POLR2B: variants seen among roughly 807,000 people sequenced by gnomAD.
POLR2B encodes RNA polymerase II subunit B.
POLR2B carries 57 observed loss-of-function variants against 144.6 expected under a neutral mutation model. The observed-to-expected ratio is 0.39, with a 90% CI of 0.32 to 0.49. The LOEUF (loss-of-function observed/expected upper bound fraction) is 0.49. POLR2B is among the 20% of genes least tolerant of loss of function. The pLI, the probability that POLR2B is intolerant of heterozygous loss-of-function variation, is 0.83. For missense variants in POLR2B, 595 were observed against 1,467.4 expected (o/e 0.41, Z 9.71); for synonymous variants, 442 against 469.8 (o/e 0.94, Z 0.77).
intron 1 of POLR2B, among the ~76,000 whole-genome samples, chr4:56,982,387 T>C (rs747917139): frequency 6.6e-6 from 1 of 151,906 alleles, no homozygotes; most frequent in Non-Finnish European, 1.5e-5. Flanking sequence ...CTGGGCAACA[T>C]AGGGAGACCT....
In POLR2B at chr4:57,005,582, CT is replaced by C. The variant is rs367918481; in HGVS notation, c.1098-5del. On this transcript the variant is annotated splice_polypyrimidine_tract_variant and intron_variant, in intron 8 of 24. Coordinates refer to ENST00000314595, the MANE Select transcript of POLR2B (RefSeq NM_000938.3). ...AAGTGTTTTCCCTCTTTCTTTCTTTCTTTTTTTTTTTTTAAAGATACATGGT... is the reference window on the plus strand; with the variant it reads ...AAGTGTTTTCCCTCTTTCTTTCTTTCTTTTTTTTTTTTAAAGATACATGGT... The C allele has an allele frequency of 0.036, 45,390 of 1,247,084 alleles. 1 individual carries two copies. The highest frequency in any genetic ancestry group is 0.04 in the Non-Finnish European group (36,350 of 911,480). 77.3% of individuals were successfully genotyped at this position (1,247,084 alleles called of 1,614,324 possible).
At chr4:57,019,265 G>C (rs1485433956) in intron 16 of POLR2B, among the ~76,000 whole-genome samples, 1 of 152,194 alleles carries the variant, frequency 6.6e-6, no homozygotes, top group South Asian at 2.1e-4. Flanking sequence ...GAAGGACTAG[G>C]TTTGAAAGCA....
Position 56,986,282 on chromosome 4 carries a change from A to C in POLR2B, c.20-72A>C, listed in dbSNP as rs1403301752. 6 of 877,208 alleles carry C rather than the reference A, an allele frequency of 6.8e-6. No individual in the cohort carries two copies. The East Asian group carries it at 1.4e-4, about 21-fold the overall frequency. 54.3% of individuals were successfully genotyped at this position (877,208 alleles called of 1,614,324 possible). On this transcript the variant is annotated intron_variant, in intron 1 of 24. Transcript: ENST00000314595. ...GAAAGTAAATATGTTTCTGCTACTT[A>C]AAGTCATAGGAGCAAGATGTTAACT...
Position 57,023,182 on chromosome 4 carries a change from T to A in POLR2B, c.2516-148T>A. On this transcript the variant is annotated intron_variant, in intron 18 of 24. Transcript: ENST00000314595. The surrounding 1 kb of genome is among the most constrained non-coding windows in gnomAD (Gnocchi z 4.3). ...TCTGTGTGGGCTGTAGTATTAGAGT[T>A]CAGAATAGTTTGTAATATTTGGAAT... is the stretch of plus-strand genomic sequence containing the variant. 1.4e-6 allele frequency: 1 copy of A among 703,400 alleles called. No individual in the cohort carries two copies. Among genetic ancestry groups the A allele is most frequent in the Non-Finnish European group, 2.3e-6 (1 of 425,586 alleles). The allele number at this position is 703,400 out of a possible 1,614,324, so 43.6% of individuals were successfully genotyped here.
chr4:57,021,031 A>C, intron 17 of POLR2B, 36 bp downstream of exon 17: 1 of 1,078,316 alleles, frequency 9.3e-7, no homozygotes, highest in South Asian at 1.3e-5. Context: ...ACACAGATAC[A>C]GTGGAAACAC....
intron 21 of POLR2B, 52 bp from the exon 22 acceptor site, chr4:57,024,834 A>G: frequency 2.3e-6 from 2 of 866,442 alleles, no homozygotes; most frequent in East Asian, 5.1e-5. Flanking sequence ...TATGACTTTT[A>G]GGGGGAGACA....
chr4:57,004,747 C>T (rs1325654330), intron 7 of POLR2B, among the ~76,000 whole-genome samples: 2 of 152,092 alleles, frequency 1.3e-5, no homozygotes, highest in African/African-American at 4.8e-5. Context: ...TGCAATGGCA[C>T]CATCTTGGCT....
At chr4:57,011,259 G>A (rs1014777059) in intron 13 of POLR2B, among the ~76,000 whole-genome samples, 159 bp downstream of exon 13, 3 of 152,264 alleles carry the variant, frequency 2.0e-5, no homozygotes, top group Non-Finnish European at 2.9e-5. Context: ...GCCGGGTGCA[G>A]TGGCTCATGC....
rs372496663 is a variant in POLR2B at position 57,024,070 on chromosome 4, T to A, written c.2922T>A (p.Ser974=). 1.8e-4 allele frequency: 283 copies of A among 1,608,418 alleles called. No homozygotes were observed. Among genetic ancestry groups the A allele is most frequent in the Middle Eastern group, 3.3e-4 (2 of 6,072 alleles). Residue 974 remains serine (S), a synonymous_variant, in exon 21 of 25, where the codon TCT becomes TCA. Transcript: ENST00000314595. ...DIIINPHAIP[S]RMTIGHLIEC... The stretch of plus-strand genomic sequence containing the variant: ...TCATCAATCCCCATGCCATCCCCTC[T>A]CGTATGACTATTGGTCACTTAATTG...
chr4:57,015,630 GA>G lies in POLR2B; in HGVS notation c.1932del (p.Glu645ArgfsTer17). The G allele has an allele frequency of 6.8e-7, 1 of 1,476,136 alleles. No homozygotes were observed. 91.4% of individuals were successfully genotyped at this position (1,476,136 alleles called of 1,614,324 possible). A position where few individuals can be genotyped will look rare whatever the true frequency, so the allele number is the denominator to read the frequency against. ...LLKKRHIDQL[K>X]EREYNNYSWQ... Reference sequence around the variant, plus strand: ...TGAAGAAGAGGCATATTGACCAATTGAAAGAGAGAGAATATAACAACTATAG... The same window carrying G: ...TGAAGAAGAGGCATATTGACCAATTGAAGAGAGAGAATATAACAACTATAG... On this transcript the variant is annotated frameshift_variant, in exon 14 of 25. Transcript: ENST00000314595. LOFTEE classifies it high-confidence loss of function.
chr4:56,981,762 T>C (rs1264679199), intron 1 of POLR2B, among the ~76,000 whole-genome samples: 1 of 152,246 alleles, frequency 6.6e-6, no homozygotes, highest in African/African-American at 2.4e-5. Context: ...ACAGCCAAAC[T>C]TATAAAAATA....
Position 57,017,539 on chromosome 4 carries a change from G to T in POLR2B, c.2155-21G>T, listed in dbSNP as rs1161321775. On this transcript the variant is annotated intron_variant, in intron 15 of 24. Coordinates refer to ENST00000314595, the MANE Select transcript of POLR2B (RefSeq NM_000938.3). This position sits in a 1 kb window ranked among gnomAD's most constrained non-coding sequence, Gnocchi z 4.8. ...GTGATAGTAACTTTTTGTTGTTTCT[G>T]CTTTTCATTTTTACGTTTAGTCCCC... 1.9e-6 allele frequency: 3 copies of T among 1,555,844 alleles called. No homozygotes were observed. The highest frequency in any genetic ancestry group is 1.2e-5 in the South Asian group (1 of 82,712).
chr4:56,985,373 G>A (rs1722287980), intron 1 of POLR2B: 2 of 985,224 alleles, frequency 2.0e-6, no homozygotes, highest in Non-Finnish European at 1.2e-6. Flanking sequence ...TAGCCGCGAG[G>A]GACGGGCGGC....
At chr4:57,029,136 G>GT (rs1723827441) in intron 23 of POLR2B, among the ~76,000 whole-genome samples, 1 of 152,032 alleles carries the variant, frequency 6.6e-6, no homozygotes, top group South Asian at 2.1e-4. Context: ...TAGCGTTTGA[G>GT]TTTTTTGGCA....
At position 57,017,736 on chromosome 4, in the gene POLR2B, C is replaced by A; in HGVS notation, c.2323+8C>A. 6.2e-7 allele frequency: 1 copy of A among 1,607,506 alleles called. No individual in the cohort carries two copies. Among genetic ancestry groups the A allele is most frequent in the African/African-American group, 1.3e-5 (1 of 74,750 alleles). ...TTAGAGAGCTGCCAGCAGGTATGGT[C>A]AGTTTTGCTCTACGTTATTTAAGAT... On this transcript the variant is annotated splice_region_variant and intron_variant, in intron 16 of 24. Transcript: ENST00000314595. The surrounding 1 kb of genome is among the most constrained non-coding windows in gnomAD (Gnocchi z 4.8).
intron 13 of POLR2B, among the ~76,000 whole-genome samples, chr4:57,014,595 C>T (rs188710124): frequency 4.0e-4 from 61 of 150,962 alleles, no homozygotes; most frequent in African/African-American, 1.4e-3. Flanking sequence ...CTCTGCCTCC[C>T]GGGTTCATGC....
Position 56,981,061 on chromosome 4 carries a change from C to T in POLR2B, c.19+2057C>T, listed in dbSNP as rs568120338. 7.2e-5 allele frequency among the ~76,000 whole-genome samples: 11 copies of T among 152,196 alleles called. 1 individual carries two copies. The South Asian group carries it at 1.2e-3, about 17-fold the overall frequency. On this transcript the variant is annotated intron_variant, in intron 1 of 24. Coordinates refer to ENST00000314595, the MANE Select transcript of POLR2B (RefSeq NM_000938.3). ...CAGGTGATTCACCTGCCTCGGCCTC[C>T]GAAAGTGCTGGGATTGCAGGTGTGA... is the stretch of plus-strand genomic sequence containing the variant.
intron 1 of POLR2B, among the ~76,000 whole-genome samples, chr4:56,980,736 TC>T (rs1414765619): frequency 9.9e-5 from 15 of 152,038 alleles, no homozygotes; most frequent in Admixed American, 9.8e-4. Flanking sequence ...TTACCCACCA[TC>T]TGCCCAGTTT....
chr4:57,019,218 C>T (rs1042811298), intron 16 of POLR2B, among the ~76,000 whole-genome samples: 9 of 152,146 alleles, frequency 5.9e-5, no homozygotes, highest in African/African-American at 2.2e-4. Context: ...TTAGATAATA[C>T]AGTTTCTTTA....
Sources: gnomAD v4.1 joint callset for allele counts (sites outside exome capture counted in the v4.1 genomes callset) on GRCh38, gnomAD v4.1.1 for gene constraint, Gnocchi (gnomAD v3.1) non-coding constraint, MANE v1.5 for transcripts, NCBI Gene and HGNC (gene_info 2026-07-23, HGNC 2026-07-21) for gene names.